NEGR1: variants seen among roughly 807,000 people sequenced by gnomAD.
NEGR1 encodes IgLON family member 4.
In NEGR1, 10 loss-of-function variants were observed where a neutral mutation model predicts 40.9. That is an observed-to-expected ratio of 0.24 (90% CI 0.15 to 0.42). NEGR1 has a LOEUF of 0.42. Ranked by LOEUF, NEGR1 falls within the 10% of genes least tolerant of loss-of-function variation. The probability of loss-of-function intolerance (pLI) is 1.00; values close to 1 mark genes in which losing one functional copy is unlikely to be tolerated. For missense variants in NEGR1, 352 were observed against 438.9 expected, an observed-to-expected ratio of 0.80 and a Z score of 1.77; for synonymous variants, 185 against 166.8, an observed-to-expected ratio of 1.11 and a Z score of -0.84.
intron 1 of NEGR1, among the ~76,000 whole-genome samples, chr1:72,184,368 C>T (rs1652532433): frequency 6.6e-6 from 1 of 151,936 alleles, no homozygotes; most frequent in East Asian, 1.9e-4. Flanking sequence ...AAGGAGGTAC[C>T]AAATAAGGTA....
chr1:72,270,162 G>A (rs1655794964), intron 1 of NEGR1, among the ~76,000 whole-genome samples: 1 of 151,722 alleles, frequency 6.6e-6, no homozygotes, highest in South Asian at 2.1e-4. Context: ...CAAACTACTT[G>A]GCTATAAGAG....
At chr1:71,595,501 T>C (rs1649666912) in intron 5 of NEGR1, among the ~76,000 whole-genome samples, 1 of 152,198 alleles carries the variant, frequency 6.6e-6, no homozygotes, top group Non-Finnish European at 1.5e-5. Flanking sequence ...ATATGGTGTA[T>C]ATGTCTAGAG....
chr1:72,021,309 TATATC>T (rs1488094138), intron 1 of NEGR1, among the ~76,000 whole-genome samples: 2 of 152,100 alleles, frequency 1.3e-5, no homozygotes, highest in African/African-American at 4.8e-5. Context: ...ATAATCATAT[TATATC>T]ATAACAGAGA....
At position 71,406,394 on chromosome 1, in the gene NEGR1, C is replaced by G. The variant is rs190227616; in HGVS notation, c.*1052G>C. On this transcript the variant is annotated 3_prime_UTR_variant, in exon 7 of 7. Transcript: ENST00000357731. ...AATAAAATTAATGATGAGCGCTTAC[C>G]AACTCTTGTAATATTAGGTGATAGG... is the stretch of plus-strand genomic sequence containing the variant. 1.1e-4 allele frequency: 16 copies of G among 151,880 alleles called. No homozygotes were observed. In the East Asian group the frequency reaches 3.1e-3, roughly 29 times the overall value. The allele number at this position is 151,880 out of a possible 1,614,324, so 9.4% of individuals were successfully genotyped here.
chr1:71,948,515 G>A (rs1036576003), intron 1 of NEGR1, among the ~76,000 whole-genome samples: 5 of 151,524 alleles, frequency 3.3e-5, no homozygotes, highest in Non-Finnish European at 7.4e-5. Context: ...GAGAGAGAGA[G>A]AGACAGGAGA....
intron 1 of NEGR1, among the ~76,000 whole-genome samples, chr1:72,101,117 A>T (rs749031053): frequency 6.6e-6 from 1 of 152,200 alleles, no homozygotes; most frequent in Non-Finnish European, 1.5e-5. Context: ...GACGTATTGC[A>T]GTCCACAACC....
At chr1:71,949,242 A>T (rs1470448133) in intron 1 of NEGR1, among the ~76,000 whole-genome samples, 1 of 152,128 alleles carries the variant, frequency 6.6e-6, no homozygotes, top group African/African-American at 2.4e-5. Flanking sequence ...CTAAGCACCT[A>T]ACCTTAGATG....
At chr1:71,574,336 C>T (rs1484382102) in intron 6 of NEGR1, among the ~76,000 whole-genome samples, 2 of 152,142 alleles carry the variant, frequency 1.3e-5, no homozygotes, top group African/African-American at 4.8e-5. Flanking sequence ...GTGTTTTCTA[C>T]CAGCATCAGT....
chr1:71,765,231 G>A (rs987539755), intron 3 of NEGR1, among the ~76,000 whole-genome samples: 3 of 152,056 alleles, frequency 2.0e-5, no homozygotes, highest in Non-Finnish European at 4.4e-5. Context: ...CCCAACCAAT[G>A]CTTCAAAACT....
intron 1 of NEGR1, among the ~76,000 whole-genome samples, chr1:72,153,270 A>G (rs1651193022): frequency 6.6e-6 from 1 of 152,022 alleles, no homozygotes. Flanking sequence ...GCTTCTTGAA[A>G]AGACTAATTC....
intron 6 of NEGR1, among the ~76,000 whole-genome samples, chr1:71,527,402 A>ACCATCCATCCAT (rs71095944): frequency 2.0e-5 from 3 of 147,914 alleles, no homozygotes; most frequent in East Asian, 4.1e-4. Context: ...CCATCCAACC[A>ACCATCCATCCAT]CCATCCATCC....
At chr1:72,155,709 A>G (rs192515205) in intron 1 of NEGR1, among the ~76,000 whole-genome samples, 125 of 152,186 alleles carry the variant, frequency 8.2e-4, no homozygotes, top group Non-Finnish European at 1.6e-3. Context: ...ATTGAATTTC[A>G]GAGAATAGAC....
intron 1 of NEGR1, among the ~76,000 whole-genome samples, chr1:72,149,679 T>A (rs1331084128): frequency 1.3e-5 from 2 of 151,642 alleles, no homozygotes; most frequent in Non-Finnish European, 2.9e-5. Flanking sequence ...AGTCGGGAGT[T>A]CGAGACCAGA....
chr1:71,419,262 G>C lies in NEGR1; in HGVS notation c.941-11692C>G, dbSNP rs554230072. Among the ~76,000 whole-genome samples the C allele has an allele frequency of 5.9e-5, 9 of 152,270 alleles. No individual in the cohort carries two copies. In the East Asian group the frequency reaches 1.4e-3, roughly 23 times the overall value. On this transcript the variant is annotated intron_variant, in intron 6 of 6. Coordinates refer to ENST00000357731, the MANE Select transcript of NEGR1 (RefSeq NM_173808.3). ...GAGAAAGACAATAAGCTTGTACAAAGAAAAGGAAAATAATACATTGTAAAT... is the reference window on the plus strand; with the variant it reads ...GAGAAAGACAATAAGCTTGTACAAACAAAAGGAAAATAATACATTGTAAAT...
At chr1:72,211,824 C>T (rs191589396) in intron 1 of NEGR1, among the ~76,000 whole-genome samples, 1 of 151,654 alleles carries the variant, frequency 6.6e-6, no homozygotes, top group African/African-American at 2.4e-5. Context: ...TGCCACTGTA[C>T]CTCACTCTAT....
chr1:71,981,756 G>A (rs993930431), intron 1 of NEGR1, among the ~76,000 whole-genome samples: 3 of 152,042 alleles, frequency 2.0e-5, no homozygotes, highest in African/African-American at 7.2e-5. Flanking sequence ...ATGTCTAATG[G>A]CCCCAGCCTT....
At chr1:71,914,668 G>T (rs75762183) in intron 2 of NEGR1, among the ~76,000 whole-genome samples, 2,363 of 152,244 alleles carry the variant, frequency 0.016, 46 homozygotes, top group South Asian at 0.1. Flanking sequence ...TATTCAGTCC[G>T]ATGGAAAGAT....
intron 3 of NEGR1, among the ~76,000 whole-genome samples, chr1:71,749,144 G>A (rs1308507990): frequency 6.6e-6 from 1 of 152,112 alleles, no homozygotes; most frequent in Non-Finnish European, 1.5e-5. Context: ...ATCTTGAATG[G>A]AATGTTCTGA....
intron 1 of NEGR1, among the ~76,000 whole-genome samples, chr1:72,186,308 T>A (rs1044657707): frequency 1.3e-5 from 2 of 151,782 alleles, no homozygotes; most frequent in Non-Finnish European, 3.0e-5. Context: ...ACTCTGTTCA[T>A]AATTTCTTAA....
Sources: gnomAD v4.1 joint callset for allele counts (sites outside exome capture counted in the v4.1 genomes callset) on GRCh38, gnomAD v4.1.1 for gene constraint, MANE v1.5 for transcripts, NCBI Gene and HGNC (gene_info 2026-07-23, HGNC 2026-07-21) for gene names.